TSPAN9: variants seen among roughly 807,000 people sequenced by gnomAD.
TSPAN9 encodes the protein tetraspanin-9.
A neutral mutation model predicts 31.0 loss-of-function variants in TSPAN9; 16 were observed. That is an observed-to-expected ratio of 0.52 (90% CI 0.35 to 0.78). The LOEUF is 0.78. TSPAN9 is among the 30% of genes least tolerant of loss of function. The pLI is 0.01. For missense variants in TSPAN9, 272 were observed against 312.5 expected (o/e 0.87, Z 0.98); for synonymous variants, 145 against 121.6 (o/e 1.19, Z -1.27).
At chr12:3,093,113 G>A (rs575632966) in intron 2 of TSPAN9, among the ~76,000 whole-genome samples, 1 of 152,322 alleles carries the variant, frequency 6.6e-6, no homozygotes, top group South Asian at 2.1e-4. Context: ...TTTTGGGGCC[G>A]CTGGCCTTTG....
chr12:3,206,631 G>A (rs1351181114), intron 3 of TSPAN9, among the ~76,000 whole-genome samples: 2 of 151,724 alleles, frequency 1.3e-5, no homozygotes, highest in East Asian at 3.9e-4. Flanking sequence ...AAGAATCAGC[G>A]AATCCTGTGG....
chr12:3,142,260 GT>G (rs1252452955), intron 2 of TSPAN9, among the ~76,000 whole-genome samples: 1 of 152,172 alleles, frequency 6.6e-6, no homozygotes, highest in Non-Finnish European at 1.5e-5. Flanking sequence ...ACCATGGAGT[GT>G]CCCCACCCAG....
chr12:3,162,839 G>A (rs762119430), intron 2 of TSPAN9, among the ~76,000 whole-genome samples: 1 of 152,144 alleles, frequency 6.6e-6, no homozygotes, highest in Non-Finnish European at 1.5e-5. Flanking sequence ...TGAGGCTCAA[G>A]GTACCATCTC....
intron 1 of TSPAN9, among the ~76,000 whole-genome samples, chr12:3,081,441 T>G (rs901977136): frequency 9.2e-5 from 14 of 152,182 alleles, no homozygotes; most frequent in African/African-American, 2.4e-4. Flanking sequence ...TCTTGGCCCC[T>G]TAGTTCATCC....
Position 3,168,261 on chromosome 12 carries a change from A to G in TSPAN9, c.-17-32916A>G, listed in dbSNP as rs926085623. ...CCTCTACACTGTGCCAGCTCTTTCC[A>G]GATGCTTCAAACCTTTTTAGTTGCT... is the stretch of plus-strand genomic sequence containing the variant. On this transcript the variant is annotated intron_variant, in intron 2 of 8. Transcript: ENST00000011898. The surrounding 1 kb of genome is among the most constrained non-coding windows in gnomAD (Gnocchi z 4.0). 5.3e-5 allele frequency among the ~76,000 whole-genome samples: 8 copies of G among 152,182 alleles called. No homozygotes were observed. Among genetic ancestry groups the G allele is most frequent in the Non-Finnish European group, 1.2e-4 (8 of 68,042 alleles).
rs377080114 is a variant in TSPAN9 at position 3,218,416 on chromosome 12, G to A, written c.63+17160G>A. Among the ~76,000 whole-genome samples, 426 of 152,346 alleles carry A rather than the reference G, an allele frequency of 2.8e-3. 3 individuals are homozygous for A. The highest frequency in any genetic ancestry group is 9.4e-3 in the African/African-American group (393 of 41,590). On this transcript the variant is annotated intron_variant, in intron 3 of 8. Coordinates refer to ENST00000011898, the MANE Select transcript of TSPAN9 (RefSeq NM_006675.5). ...GAAACCTCTTACTGAGCTCTCAAAAGGACTGCCAGGAGGAGACCTTTGGGG... is the reference window on the plus strand; with the variant it reads ...GAAACCTCTTACTGAGCTCTCAAAAAGACTGCCAGGAGGAGACCTTTGGGG...
intron 4 of TSPAN9, 108 bp downstream of exon 4, chr12:3,278,720 G>A (rs1365725272): frequency 1.4e-6 from 2 of 1,435,838 alleles, no homozygotes; most frequent in Admixed American, 2.2e-5. Context: ...TCCAACCTGA[G>A]CCCAGGGAAA....
At chr12:3,256,768 A>G (rs766950183) in intron 3 of TSPAN9, among the ~76,000 whole-genome samples, 1 of 152,130 alleles carries the variant, frequency 6.6e-6, no homozygotes, top group Non-Finnish European at 1.5e-5. Context: ...AGACAGCAGG[A>G]GCCATCATGG....
intron 2 of TSPAN9, among the ~76,000 whole-genome samples, chr12:3,113,532 A>C (rs2098320319): frequency 6.6e-6 from 1 of 152,132 alleles, no homozygotes; most frequent in Admixed American, 6.5e-5. Context: ...AGTGATGTGT[A>C]CTTTGTTAAG....
intron 2 of TSPAN9, among the ~76,000 whole-genome samples, chr12:3,105,772 G>GTA (rs2098314127): frequency 2.8e-5 from 2 of 72,046 alleles, no homozygotes; most frequent in Non-Finnish European, 5.9e-5. Flanking sequence ...ACACGCGCAC[G>GTA]CACACACGCT....
intron 3 of TSPAN9, among the ~76,000 whole-genome samples, chr12:3,208,122 A>G (rs970976249): frequency 2.6e-5 from 4 of 152,192 alleles, no homozygotes; most frequent in African/African-American, 9.7e-5. Flanking sequence ...GGTTGTTAGT[A>G]TTACTGTCGC....
chr12:3,193,350 T>C (rs1333092199), intron 2 of TSPAN9, among the ~76,000 whole-genome samples: 2 of 152,294 alleles, frequency 1.3e-5, no homozygotes, highest in East Asian at 3.9e-4. Flanking sequence ...CCTGCCTGGC[T>C]CCTCATGGTC....
chr12:3,200,880 G>T, intron 2 of TSPAN9: 1 of 295,478 alleles, frequency 3.4e-6, no homozygotes, highest in South Asian at 5.3e-5. Context: ...TTCTGGGAGC[G>T]ATGCCCCCCG....
rs1052722668 is a variant in TSPAN9 at position 3,168,865 on chromosome 12, G to A, written c.-17-32312G>A. On this transcript the variant is annotated intron_variant, in intron 2 of 8. Transcript: ENST00000011898. This position sits in a 1 kb window ranked among gnomAD's most constrained non-coding sequence, Gnocchi z 4.0. ...GATGGCCCCGCCTCCCTCCCGGCCA[G>A]TGTGGGCGTGCAGATGGATGAGCTC... 2.4e-4 allele frequency among the ~76,000 whole-genome samples: 37 copies of A among 152,220 alleles called. No homozygotes were observed. The highest frequency in any genetic ancestry group is 8.9e-4 in the African/African-American group (37 of 41,450).
chr12:3,087,485 G>A (rs2098301144), intron 2 of TSPAN9, among the ~76,000 whole-genome samples: 1 of 152,002 alleles, frequency 6.6e-6, no homozygotes, highest in African/African-American at 2.4e-5. Context: ...CTGCACTCCG[G>A]GCTGGGTGAC....
intron 3 of TSPAN9, among the ~76,000 whole-genome samples, chr12:3,238,362 T>C (rs143109226): frequency 6.0e-4 from 92 of 152,314 alleles, no homozygotes; most frequent in Non-Finnish European, 1.1e-3. Flanking sequence ...TGCCCCACCC[T>C]GGGGACATGT....
rs1269127444 is a variant in TSPAN9, at chr12:3,197,802, CCACCACCAGCACAGGT to C, written c.-17-3359_-17-3344del. Among the ~76,000 whole-genome samples, 46 of 17,780 alleles carry C rather than the reference CCACCACCAGCACAGGT, an allele frequency of 2.6e-3. 3 individuals carry two copies. The highest frequency in any genetic ancestry group is 3.9e-3 in the Non-Finnish European group (27 of 7,010). 11.7% of individuals were successfully genotyped at this position (17,780 alleles called of 152,430 possible). Reference sequence around the variant, plus strand: ...CAGCACAGGTCACCATCAGCACAGGCCACCACCAGCACAGGTCACCACCAGCACAGGCCACCACCAG... The same window carrying C: ...CAGCACAGGTCACCATCAGCACAGGCCACCACCAGCACAGGCCACCACCAG... On this transcript the variant is annotated intron_variant, in intron 2 of 8. Transcript: ENST00000011898.
At chr12:3,131,194 A>G (rs1449784614) in intron 2 of TSPAN9, among the ~76,000 whole-genome samples, 2 of 151,536 alleles carry the variant, frequency 1.3e-5, no homozygotes, top group Non-Finnish European at 2.9e-5. Flanking sequence ...GGGCACAGTC[A>G]TCTCATTTCA....
chr12:3,255,087 A>G (rs1356483717), intron 3 of TSPAN9, among the ~76,000 whole-genome samples: 1 of 152,178 alleles, frequency 6.6e-6, no homozygotes, highest in Non-Finnish European at 1.5e-5. Flanking sequence ...TGTCCCCCAG[A>G]GCCCAAAATA....
Sources: gnomAD v4.1 joint callset for allele counts (sites outside exome capture counted in the v4.1 genomes callset) on GRCh38, gnomAD v4.1.1 for gene constraint, Gnocchi (gnomAD v3.1) non-coding constraint, MANE v1.5 for transcripts, NCBI Gene and HGNC (gene_info 2026-07-23, HGNC 2026-07-21) for gene names.